Variants in NT5C3A observed in about 807,000 individuals in gnomAD.
NT5C3A encodes the protein cytosolic 5'-nucleotidase 3A.
In NT5C3A, 23 loss-of-function variants were observed where a neutral mutation model predicts 40.0. The observed-to-expected ratio is 0.58, with a 90% confidence interval of 0.41 to 0.81. NT5C3A has a LOEUF of 0.81. NT5C3A is among the 40% of genes least tolerant of loss of function. The probability of loss-of-function intolerance (pLI) is 0.00; values close to 1 mark genes in which losing one functional copy is unlikely to be tolerated. For synonymous variants in NT5C3A, 130 were observed against 141.4 expected (o/e 0.92, Z 0.57); for missense variants, 328 against 403.0 (o/e 0.81, Z 1.59).
chr7:33,027,757 C>T (rs528651808), intron 1 of NT5C3A, among the ~76,000 whole-genome samples: 8 of 152,244 alleles, frequency 5.3e-5, no homozygotes, highest in South Asian at 4.1e-4. Context: ...AGATGACTCC[C>T]GTTAAGCCTC....
intron 1 of NT5C3A, among the ~76,000 whole-genome samples, chr7:33,040,241 T>G (rs1307626787): frequency 6.6e-6 from 1 of 152,170 alleles, no homozygotes; most frequent in Non-Finnish European, 1.5e-5. Flanking sequence ...AAAAAACCTA[T>G]AAAATATAGA....
chr7:33,026,022 C>T (rs1785907518), intron 2 of NT5C3A, among the ~76,000 whole-genome samples: 2 of 152,116 alleles, frequency 1.3e-5, no homozygotes, highest in Non-Finnish European at 2.9e-5. Flanking sequence ...CCTGTCTCTA[C>T]TAAAAATATA....
intron 5 of NT5C3A, among the ~76,000 whole-genome samples, chr7:33,021,068 C>T (rs898119374): frequency 1.3e-5 from 2 of 152,102 alleles, no homozygotes; most frequent in African/African-American, 4.8e-5. Context: ...TACTGGACTT[C>T]ACCTTAAATA....
intron 1 of NT5C3A, among the ~76,000 whole-genome samples, chr7:33,060,378 T>C (rs1039872693): frequency 7.0e-6 from 1 of 141,938 alleles, no homozygotes; most frequent in African/African-American, 2.7e-5. Flanking sequence ...TCTTTTTTTT[T>C]TTTTTTTTTT....
At chr7:33,052,717 T>C (rs756607843) in intron 1 of NT5C3A, among the ~76,000 whole-genome samples, 12 of 152,206 alleles carry the variant, frequency 7.9e-5, no homozygotes, top group Admixed American at 1.3e-4. Context: ...TTGTTACACA[T>C]AAAATTTGCA....
At chr7:33,027,214 G>A (rs1165740511) in intron 1 of NT5C3A, among the ~76,000 whole-genome samples, 1 of 152,014 alleles carries the variant, frequency 6.6e-6, no homozygotes, top group Non-Finnish European at 1.5e-5. Flanking sequence ...GAAGGCATGC[G>A]CCATCATACC....
chr7:33,023,549 G>T (rs1411533299), intron 3 of NT5C3A, among the ~76,000 whole-genome samples: 1 of 152,082 alleles, frequency 6.6e-6, no homozygotes, highest in Non-Finnish European at 1.5e-5. Context: ...ATGAGTGACC[G>T]CACCCAGCCC....
At chr7:33,019,316 T>C (rs1245149178) in intron 6 of NT5C3A, among the ~76,000 whole-genome samples, 7 of 152,166 alleles carry the variant, frequency 4.6e-5, no homozygotes, top group African/African-American at 1.7e-4. Context: ...TCCTTTCATA[T>C]GTCTTTCCTA....
At chr7:33,031,714 C>T (rs540070478) in intron 1 of NT5C3A, among the ~76,000 whole-genome samples, 1 of 152,052 alleles carries the variant, frequency 6.6e-6, no homozygotes, top group Admixed American at 6.6e-5. Context: ...GTTATACAAT[C>T]CACAATGTAC....
intron 4 of NT5C3A, chr7:33,021,789 C>A: frequency 2.1e-6 from 1 of 473,494 alleles, no homozygotes; most frequent in Non-Finnish European, 3.8e-6. Context: ...GTTAACGTTA[C>A]AACACCAGAA....
At chr7:33,059,857 C>A (rs540621957) in intron 1 of NT5C3A, among the ~76,000 whole-genome samples, 2 of 152,186 alleles carry the variant, frequency 1.3e-5, no homozygotes, top group Non-Finnish European at 2.9e-5. Context: ...AATCATCTTT[C>A]GCAAGCAATA....
rs1469042656 is a variant in NT5C3A, at chr7:33,014,433, A to G, written c.*297T>C. On this transcript the variant is annotated 3_prime_UTR_variant, in exon 9 of 9. Coordinates refer to ENST00000610140, the MANE Select transcript of NT5C3A (RefSeq NM_001002010.5). ...TTTCCCAGTGTAAAAGACTCCTCAA[A>G]AGCTGCATGATAACATTAAACTACA... is the stretch of plus-strand genomic sequence containing the variant. 4.2e-6 allele frequency: 2 copies of G among 478,424 alleles called. No homozygotes were observed. The highest frequency in any genetic ancestry group is 8.2e-6 in the Non-Finnish European group (2 of 244,060). 29.6% of individuals were successfully genotyped at this position (478,424 alleles called of 1,614,324 possible). A position where few individuals can be genotyped will look rare whatever the true frequency, so the allele number is the denominator to read the frequency against.
chr7:33,058,024 AT>A (rs1366907615), intron 1 of NT5C3A, among the ~76,000 whole-genome samples: 9 of 151,136 alleles, frequency 6.0e-5, no homozygotes, highest in African/African-American at 1.5e-4. Context: ...AAGCAATCTC[AT>A]TTTTTTTTCC....
At chr7:33,036,208 T>C (rs1786595605) in intron 1 of NT5C3A, 1 of 554,086 alleles carries the variant, frequency 1.8e-6, no homozygotes, top group Non-Finnish European at 3.2e-6. Context: ...TCAAGGAAGA[T>C]CACTTAGTCC....
chr7:33,029,509 G>C (rs1786127795), intron 1 of NT5C3A: 1 of 473,198 alleles, frequency 2.1e-6, no homozygotes, highest in Non-Finnish European at 3.9e-6. Flanking sequence ...ACAGCAATCA[G>C]CATATGTTTG....
intron 8 of NT5C3A, among the ~76,000 whole-genome samples, chr7:33,015,451 T>G (rs981174557): frequency 7.2e-5 from 11 of 152,002 alleles, no homozygotes; most frequent in Admixed American, 1.3e-4. Context: ...TAGTTCCAGC[T>G]ACCTGAGGGG....
At chr7:33,039,562 G>GTTTT (rs770430109) in intron 1 of NT5C3A, among the ~76,000 whole-genome samples, 52 of 120,512 alleles carry the variant, frequency 4.3e-4, no homozygotes, top group Non-Finnish European at 7.2e-4. Context: ...TGGGTTTTTT[G>GTTTT]TTTTTTTTTT....
In NT5C3A at chr7:33,041,702, T is replaced by C. The variant is rs78815363; in HGVS notation, c.139-14787A>G. Reference sequence around the variant, plus strand: ...AAAATGGGGGGAAAAAGTTCCTGCCTGTTAAAAATAAGAGCAGTCCAACTG... The same window carrying C: ...AAAATGGGGGGAAAAAGTTCCTGCCCGTTAAAAATAAGAGCAGTCCAACTG... On this transcript the variant is annotated intron_variant, in intron 1 of 8. Transcript: ENST00000610140. Among the ~76,000 whole-genome samples the C allele has an allele frequency of 0.01, 1,553 of 152,234 alleles. 58 individuals are homozygous for C. In the East Asian group the frequency reaches 0.14, roughly 13 times the overall value.
chr7:33,056,301 A>G lies in NT5C3A; in HGVS notation c.138+6267T>C, dbSNP rs191436381. On this transcript the variant is annotated intron_variant, in intron 1 of 8. Coordinates refer to ENST00000610140, the MANE Select transcript of NT5C3A (RefSeq NM_001002010.5). ...ACAGGTCCTAAAAAGTCATAAATCT[A>G]AGCACTGATATAAATTAGATAAAAA... 6.0e-3 allele frequency among the ~76,000 whole-genome samples: 910 copies of G among 151,934 alleles called. 9 individuals carry two copies. Among genetic ancestry groups the G allele is most frequent in the African/African-American group, 0.021 (868 of 41,438 alleles).
Sources: gnomAD v4.1 joint callset for allele counts (sites outside exome capture counted in the v4.1 genomes callset) on GRCh38, gnomAD v4.1.1 for gene constraint, MANE v1.5 for transcripts, NCBI Gene and HGNC (gene_info 2026-07-23, HGNC 2026-07-21) for gene names.